Variants in ADGRL3 observed in about 807,000 individuals in gnomAD.
ADGRL3 encodes adhesion G protein-coupled receptor L3.
In ADGRL3, 62 loss-of-function variants were observed where a neutral mutation model predicts 153.5. The observed-to-expected ratio is 0.40, with a 90% CI of 0.33 to 0.50. The LOEUF (loss-of-function observed/expected upper bound fraction) is 0.50, where lower values mean the gene tolerates loss of function less well. Among genes scored for constraint, ADGRL3 ranks in the 20% least tolerant of loss-of-function variants. The probability of loss-of-function intolerance (pLI) is 0.47; values close to 1 mark genes in which losing one functional copy is unlikely to be tolerated. For synonymous variants in ADGRL3, 710 were observed against 672.5 expected, an observed-to-expected ratio of 1.06 and a Z score of -0.86; for missense variants, 1,641 against 1,859.4, an observed-to-expected ratio of 0.88 and a Z score of 2.16.
At chr4:61,644,441 C>T (rs1407880628) in intron 5 of ADGRL3, among the ~76,000 whole-genome samples, 1 of 152,132 alleles carries the variant, frequency 6.6e-6, no homozygotes, top group African/African-American at 2.4e-5. Context: ...CTATAAATTT[C>T]CCTATACACA....
intron 1 of ADGRL3, among the ~76,000 whole-genome samples, chr4:61,205,685 A>C (rs1454053571): frequency 6.6e-6 from 1 of 152,208 alleles, no homozygotes; most frequent in Non-Finnish European, 1.5e-5. Flanking sequence ...TGCAAGTATG[A>C]GTAAGGTCCT....
chr4:61,907,977 T>C (rs2098704031), intron 11 of ADGRL3, among the ~76,000 whole-genome samples: 1 of 152,180 alleles, frequency 6.6e-6, no homozygotes. Context: ...AGGCCTCTGA[T>C]AGTAGGACAG....
intron 9 of ADGRL3, among the ~76,000 whole-genome samples, chr4:61,881,515 A>T (rs1453476251): frequency 6.6e-6 from 1 of 152,078 alleles, no homozygotes; most frequent in Non-Finnish European, 1.5e-5. Flanking sequence ...AGTAGGTGGG[A>T]TTACAGGCGC....
At chr4:61,955,707 G>T (rs1473588269) in intron 17 of ADGRL3, among the ~76,000 whole-genome samples, 1 of 151,892 alleles carries the variant, frequency 6.6e-6, no homozygotes. Context: ...CCACAACAGG[G>T]CCTGGTGTGT....
intron 17 of ADGRL3, among the ~76,000 whole-genome samples, chr4:61,963,221 G>C (rs1705682280): frequency 6.6e-6 from 1 of 151,384 alleles, no homozygotes; most frequent in Admixed American, 6.6e-5. Flanking sequence ...GATTATGGCA[G>C]AATTTATTTT....
rs1433305327 is a variant in ADGRL3, at chr4:61,318,205, A to AC, written c.-239-64919_-239-64918insC. Among the ~76,000 whole-genome samples the AC allele has an allele frequency of 1.5e-4, 19 of 127,440 alleles. No homozygotes were observed. In the East Asian group the frequency reaches 1.9e-3, roughly 13 times the overall value. 83.6% of individuals were successfully genotyped at this position (127,440 alleles called of 152,430 possible). A position where few individuals can be genotyped will look rare whatever the true frequency, so the allele number is the denominator to read the frequency against. On this transcript the variant is annotated intron_variant, in intron 1 of 26. Coordinates refer to ENST00000683033, the MANE Select transcript of ADGRL3 (RefSeq NM_001387552.1). Reference sequence around the variant, plus strand: ...TGAGAACCTGTCTCAAAAAAAAAAAAAAAAAAAAACACAAAACACACACAC... The same window carrying AC: ...TGAGAACCTGTCTCAAAAAAAAAAAACAAAAAAAAACACAAAACACACACAC...
chr4:61,413,842 T>G (rs1392078269), intron 2 of ADGRL3, among the ~76,000 whole-genome samples: 1 of 152,138 alleles, frequency 6.6e-6, no homozygotes, highest in Non-Finnish European at 1.5e-5. Flanking sequence ...GTTCCATGAG[T>G]CTGAGGCATG....
intron 5 of ADGRL3, among the ~76,000 whole-genome samples, chr4:61,646,629 C>T (rs1249491734): frequency 2.6e-5 from 4 of 151,978 alleles, no homozygotes; most frequent in Non-Finnish European, 5.9e-5. Flanking sequence ...AGGCAGTCTG[C>T]CCGTTCTCAG....
chr4:62,010,214 G>A (rs535213556), intron 21 of ADGRL3, among the ~76,000 whole-genome samples: 4 of 152,166 alleles, frequency 2.6e-5, no homozygotes, highest in African/African-American at 9.6e-5. Flanking sequence ...GGGGAGAGGA[G>A]GCTGAACATT....
At chr4:61,639,295 T>A (rs2093563282) in intron 5 of ADGRL3, among the ~76,000 whole-genome samples, 1 of 152,174 alleles carries the variant, frequency 6.6e-6, no homozygotes, top group Non-Finnish European at 1.5e-5. Context: ...TTGGTCTTTA[T>A]AAGTGTCTTA....
intron 1 of ADGRL3, among the ~76,000 whole-genome samples, chr4:61,316,129 G>A (rs576778882): frequency 3.3e-5 from 5 of 152,212 alleles, no homozygotes; most frequent in African/African-American, 1.2e-4. Flanking sequence ...ACAGAATACA[G>A]GTACAGAGAA....
At chr4:61,795,361 C>G (rs559883991) in intron 8 of ADGRL3, among the ~76,000 whole-genome samples, 2 of 152,078 alleles carry the variant, frequency 1.3e-5, no homozygotes, top group African/African-American at 4.8e-5. Flanking sequence ...CTCCTAGCCT[C>G]GAGTGATCCT....
intron 3 of ADGRL3, among the ~76,000 whole-genome samples, chr4:61,502,317 G>A (rs2098395103): frequency 6.6e-6 from 1 of 152,026 alleles, no homozygotes; most frequent in Non-Finnish European, 1.5e-5. Context: ...CTACATCTCA[G>A]CTTAATTGAA....
chr4:61,407,818 T>C (rs2152222928), intron 2 of ADGRL3, among the ~76,000 whole-genome samples: 1 of 152,290 alleles, frequency 6.6e-6, no homozygotes, highest in African/African-American at 2.4e-5. Context: ...ATGTACTCTC[T>C]AAATGAATGA....
chr4:61,760,571 C>G (rs1196076607), intron 8 of ADGRL3, among the ~76,000 whole-genome samples: 2 of 152,224 alleles, frequency 1.3e-5, no homozygotes, highest in South Asian at 4.1e-4. Flanking sequence ...CTTTCTTTGA[C>G]TAGGAAAGGG....
At chr4:61,385,633 C>A (rs1363612134) in intron 2 of ADGRL3, 1 of 152,142 alleles carries the variant, frequency 6.6e-6, no homozygotes, top group African/African-American at 2.4e-5. Flanking sequence ...ATAGTATCTG[C>A]AGTACTTCAT....
rs546668892 is a variant in ADGRL3 at position 61,261,041 on chromosome 4, T to A, written c.-240+59276T>A. Among the ~76,000 whole-genome samples the A allele has an allele frequency of 1.7e-3, 257 of 152,158 alleles. 1 individual carries two copies. Among genetic ancestry groups the A allele is most frequent in the African/African-American group, 6.0e-3 (250 of 41,522 alleles). ...ACACTCGCCATTCTCATTTGTTATT[T>A]GTATTAAGAGAAAAATATCCGTTTA... On this transcript the variant is annotated intron_variant, in intron 1 of 26. Transcript: ENST00000683033.
At chr4:61,557,840 A>G (rs1053491087) in intron 4 of ADGRL3, among the ~76,000 whole-genome samples, 1 of 151,510 alleles carries the variant, frequency 6.6e-6, no homozygotes, top group African/African-American at 2.4e-5. Flanking sequence ...GTTTGTTTAC[A>G]AAGTATATTA....
intron 4 of ADGRL3, among the ~76,000 whole-genome samples, chr4:61,522,832 G>C (rs1019804296): frequency 1.3e-5 from 2 of 152,032 alleles, no homozygotes; most frequent in African/African-American, 2.4e-5. Context: ...TGGAGGTTGC[G>C]TCAATTTACC....
Sources: allele counts gnomAD v4.1 joint callset (sites outside exome capture counted in the v4.1 genomes callset), GRCh38; gene constraint gnomAD v4.1.1; transcripts MANE v1.5; gene names NCBI Gene and HGNC (gene_info 2026-07-23, HGNC 2026-07-21).